The following N4BP1 variants were observed in gnomAD, a reference collection of about 807,000 sequenced individuals.
N4BP1 encodes NEDD4-binding protein 1.
A neutral mutation model predicts 70.9 loss-of-function variants in N4BP1; 21 were observed. The ratio of observed to expected loss-of-function variants is 0.30; its 90% CI spans 0.21 to 0.43. The LOEUF (loss-of-function observed/expected upper bound fraction) is 0.43, where lower values mean the gene tolerates loss of function less well. Among genes scored for constraint, N4BP1 ranks in the 20% least tolerant of loss-of-function variants. N4BP1 has a pLI of 1.00. For missense variants in N4BP1, 936 were observed against 1,069.4 expected, an observed-to-expected ratio of 0.88 and a Z score of 1.74; for synonymous variants, 387 against 394.6, an observed-to-expected ratio of 0.98 and a Z score of 0.23.
chr16:48,581,118 T>C (rs953958431), intron 1 of N4BP1, among the ~76,000 whole-genome samples: 7 of 152,178 alleles, frequency 4.6e-5, no homozygotes, highest in African/African-American at 1.4e-4. Context: ...AATGCAAGGA[T>C]GGCTGAACAA....
At chr16:48,547,932 A>G in intron 5 of N4BP1, 75 bp downstream of exon 5, 6 of 1,000,656 alleles carry the variant, frequency 6.0e-6, no homozygotes, top group Non-Finnish European at 6.3e-6. Context: ...AGAAAACAAA[A>G]CGAACAAAAT....
rs1449590931 is a variant in N4BP1 at position 48,561,372 on chromosome 16, T to A, written c.1271A>T (p.Asp424Val). The change falls in exon 2 of 7, where the codon GAT becomes GTT. Residue 424 changes from aspartate to valine, a missense_variant. Around this residue, in one of 4 missense-constraint regions of N4BP1, gnomAD observed 515 missense variants for 491.7 expected, o/e 1.05. Transcript: ENST00000262384. ...VYSSTNELTT[D>V]STPKKTQAHT... ...AGCCTGTGTTTTCTTTGGAGTGGAA[T>A]CAGTTGTAAGCTCATTTGTGCTGCT... The A allele has an allele frequency of 6.2e-7, 1 of 1,613,858 alleles. No homozygotes were observed. The highest frequency in any genetic ancestry group is 8.5e-7 in the Non-Finnish European group (1 of 1,179,886).
rs531157882 is a variant in N4BP1, at chr16:48,540,014, CAATG to C, written c.*2886_*2889del. 6 of 152,322 alleles carry C rather than the reference CAATG, an allele frequency of 3.9e-5. No individual in the cohort carries two copies. The highest frequency in any genetic ancestry group is 9.6e-5 in the African/African-American group (4 of 41,458). 9.4% of individuals were successfully genotyped at this position (152,322 alleles called of 1,614,324 possible). Reference sequence around the variant, plus strand: ...AGTGGGAGGTGAGGGGAAGCACTAGCAATGAATGAAGAGGATTCTTCCGGGAATC... The same window carrying C: ...AGTGGGAGGTGAGGGGAAGCACTAGCAATGAAGAGGATTCTTCCGGGAATC... On this transcript the variant is annotated 3_prime_UTR_variant, in exon 7 of 7. Transcript: ENST00000262384.
intron 1 of N4BP1, chr16:48,603,545 A>T (rs1244030021): frequency 6.6e-6 from 1 of 152,018 alleles, no homozygotes; most frequent in Non-Finnish European, 1.5e-5. Flanking sequence ...GTTAGCACCC[A>T]GTTTCTTGCT....
At chr16:48,602,945 T>C (rs1964525913) in intron 1 of N4BP1, among the ~76,000 whole-genome samples, 1 of 152,072 alleles carries the variant, frequency 6.6e-6, no homozygotes, top group African/African-American at 2.4e-5. Context: ...ATCACACCAC[T>C]GCACTCCAGC....
chr16:48,548,182 G>C, intron 4 of N4BP1, 68 bp from the exon 5 acceptor site: 1 of 900,022 alleles, frequency 1.1e-6, no homozygotes, highest in South Asian at 1.4e-5. Flanking sequence ...CATGTTATAA[G>C]AAGAGAATAT....
chr16:48,609,852 G>A lies in N4BP1; in HGVS notation c.121C>T (p.Leu41=). The change falls in exon 1 of 7, where the codon CTA becomes TTA. Residue 41 remains leucine (L), a synonymous_variant. Transcript: ENST00000262384. Reference sequence around the variant, plus strand: ...GCGGGCAGCGGCTCCTCAGCCCCTAGCGCGCCGAGCACGGCTAGGCTCACG... The same window carrying A: ...GCGGGCAGCGGCTCCTCAGCCCCTAACGCGCCGAGCACGGCTAGGCTCACG... The part of the protein sequence containing the change: ...FGVSLAVLGA[L]GAEEPLPARI... 6.7e-7 allele frequency: 1 copy of A among 1,490,626 alleles called. No homozygotes were observed. Among genetic ancestry groups the A allele is most frequent in the Non-Finnish European group, 8.9e-7 (1 of 1,124,794 alleles). The allele number at this position is 1,490,626 out of a possible 1,614,324, so 92.3% of individuals were successfully genotyped here. A position where few individuals can be genotyped will look rare whatever the true frequency, so the allele number is the denominator to read the frequency against.
chr16:48,583,639 T>C (rs1425770405), intron 1 of N4BP1, among the ~76,000 whole-genome samples: 2 of 152,242 alleles, frequency 1.3e-5, no homozygotes, highest in Admixed American at 6.5e-5. Context: ...CAAAACATCA[T>C]GGATACATAA....
intron 6 of N4BP1, among the ~76,000 whole-genome samples, chr16:48,543,729 T>C (rs566291627): frequency 2.0e-5 from 3 of 152,268 alleles, no homozygotes; most frequent in African/African-American, 7.2e-5. Flanking sequence ...CCCACACTTG[T>C]ATGCACATGG....
intron 1 of N4BP1, among the ~76,000 whole-genome samples, chr16:48,570,626 C>T (rs1421217709): frequency 3.3e-5 from 5 of 152,208 alleles, no homozygotes; most frequent in Non-Finnish European, 5.9e-5. Context: ...GGATTACAGG[C>T]ATACGCCACT....
intron 1 of N4BP1, among the ~76,000 whole-genome samples, chr16:48,580,074 A>C (rs1177509266): frequency 6.6e-6 from 1 of 152,104 alleles, no homozygotes; most frequent in Non-Finnish European, 1.5e-5. Context: ...ATCCAGATGG[A>C]AATTAAGATT....
intron 1 of N4BP1, among the ~76,000 whole-genome samples, chr16:48,592,525 T>C (rs1033315704): frequency 6.6e-6 from 1 of 152,218 alleles, no homozygotes; most frequent in Non-Finnish European, 1.5e-5. Context: ...CTACTGGATA[T>C]TCTGTCTGTG....
At chr16:48,597,415 C>G (rs1035483832) in intron 1 of N4BP1, among the ~76,000 whole-genome samples, 3 of 152,206 alleles carry the variant, frequency 2.0e-5, no homozygotes, top group Non-Finnish European at 4.4e-5. Context: ...CTTAGACCTA[C>G]TTCCTTGTAA....
At chr16:48,607,783 G>A (rs910209257) in intron 1 of N4BP1, among the ~76,000 whole-genome samples, 4 of 152,240 alleles carry the variant, frequency 2.6e-5, no homozygotes, top group Non-Finnish European at 5.9e-5. Flanking sequence ...TAGACCAGCT[G>A]TCTGCAATCC....
chr16:48,548,339 TTC>T (rs1466912020), intron 4 of N4BP1, among the ~76,000 whole-genome samples: 1 of 152,238 alleles, frequency 6.6e-6, no homozygotes, highest in Non-Finnish European at 1.5e-5. Context: ...TTCATACAAT[TTC>T]TTTTGTTAAA....
In N4BP1 at chr16:48,551,423, T is replaced by C; in HGVS notation, c.2080A>G (p.Met694Val). 6.2e-7 allele frequency: 1 copy of C among 1,613,452 alleles called. No individual in the cohort carries two copies. Among genetic ancestry groups the C allele is most frequent in the Non-Finnish European group, 8.5e-7 (1 of 1,179,554 alleles). The stretch of plus-strand genomic sequence containing the variant: ...GAAGCAATTCTTTCTCCAAAGACCA[T>C]CCGGGCAGGAGTTAAAGATAATATT... ...LGILSLTPAR[M>V]VFGERIASHD... Residue 694 changes from methionine (M) to valine (V), a missense_variant, in exon 4 of 7, where the codon ATG (methionine) becomes GTG (valine). Coordinates refer to ENST00000262384, the MANE Select transcript of N4BP1 (RefSeq NM_153029.4).
intron 1 of N4BP1, among the ~76,000 whole-genome samples, chr16:48,576,202 T>G (rs1427716410): frequency 2.0e-5 from 3 of 152,224 alleles, no homozygotes; most frequent in African/African-American, 7.2e-5. Context: ...CATTAATCTG[T>G]AAGTCTATAA....
chr16:48,608,186 C>T (rs907484257), intron 1 of N4BP1, among the ~76,000 whole-genome samples: 5 of 152,152 alleles, frequency 3.3e-5, no homozygotes, highest in African/African-American at 1.2e-4. Flanking sequence ...TTCCGATTCT[C>T]AAGAACACGG....
chr16:48,607,491 T>C (rs944447856), intron 1 of N4BP1, among the ~76,000 whole-genome samples: 2 of 152,120 alleles, frequency 1.3e-5, no homozygotes, highest in South Asian at 4.1e-4. Flanking sequence ...GAGGCTCTAG[T>C]AGGTTCCAGG....
Sources: gnomAD v4.1 joint callset for allele counts (sites outside exome capture counted in the v4.1 genomes callset) on GRCh38, gnomAD v4.1.1 for gene constraint, gnomAD v4.1.1 regional missense constraint, MANE v1.5 for transcripts, NCBI Gene and HGNC (gene_info 2026-07-23, HGNC 2026-07-21) for gene names.